ATXN1: variants seen among roughly 807,000 people sequenced by gnomAD.
ATXN1 encodes the protein ataxin 1, also known as ataxin-1.
Under a neutral mutation model 56.4 loss-of-function variants are expected in ATXN1, and 8 were observed. The ratio of observed to expected loss-of-function variants is 0.14; its 90% CI spans 0.08 to 0.26. The LOEUF is 0.26. Among genes scored for constraint, ATXN1 ranks in the 10% least tolerant of loss-of-function variants. The pLI is 1.00. For synonymous variants in ATXN1, 514 were observed against 494.6 expected (o/e 1.04, Z -0.52); for missense variants, 987 against 1,106.5 (o/e 0.89, Z 1.53).
intron 6 of ATXN1, among the ~76,000 whole-genome samples, chr6:16,483,060 T>C (rs983641916): frequency 2.0e-5 from 3 of 152,140 alleles, no homozygotes; most frequent in African/African-American, 7.2e-5. Context: ...AACAACAGCA[T>C]TGTGCATAAA....
At chr6:16,396,655 G>C (rs956737737) in intron 6 of ATXN1, among the ~76,000 whole-genome samples, 1 of 152,122 alleles carries the variant, frequency 6.6e-6, no homozygotes, top group Non-Finnish European at 1.5e-5. Flanking sequence ...GTCTACAGTG[G>C]GGTACAGTGA....
chr6:16,380,491 T>TA lies in ATXN1; in HGVS notation c.-160-52022dup, dbSNP rs1486306647. 4.0e-4 allele frequency among the ~76,000 whole-genome samples: 61 copies of TA among 151,746 alleles called. 1 individual carries two copies. The highest frequency in any genetic ancestry group is 1.4e-3 in the African/African-American group (59 of 41,336). On this transcript the variant is annotated intron_variant, in intron 6 of 7. Transcript: ENST00000436367. ...CATCCATGTGACTTTTTTTTTTTTTTAAAAGCCTTCTCTGCCTGAAAATGC... is the reference window on the plus strand; with the variant it reads ...CATCCATGTGACTTTTTTTTTTTTTTAAAAAGCCTTCTCTGCCTGAAAATGC...
At chr6:16,339,981 C>T (rs1294864490) in intron 6 of ATXN1, among the ~76,000 whole-genome samples, 2 of 152,178 alleles carry the variant, frequency 1.3e-5, no homozygotes, top group Non-Finnish European at 2.9e-5. Context: ...CAGGGTTTCA[C>T]CATGTTGGCC....
intron 4 of ATXN1, among the ~76,000 whole-genome samples, chr6:16,553,774 C>G (rs997526517): frequency 6.6e-6 from 1 of 152,156 alleles, no homozygotes; most frequent in African/African-American, 2.4e-5. Context: ...ACTGACCATC[C>G]CTACTAGGAA....
chr6:16,535,771 CTT>C (rs1761585797), intron 4 of ATXN1, among the ~76,000 whole-genome samples: 1 of 152,110 alleles, frequency 6.6e-6, no homozygotes, highest in Non-Finnish European at 1.5e-5. Context: ...CAAAGAGTAA[CTT>C]TAAAGTTGAC....
At chr6:16,604,353 G>C (rs911715478) in intron 3 of ATXN1, among the ~76,000 whole-genome samples, 1 of 149,286 alleles carries the variant, frequency 6.7e-6, no homozygotes, top group Non-Finnish European at 1.5e-5. Flanking sequence ...AAAAATTATC[G>C]TGGCACGTGG....
chr6:16,490,342 C>T (rs576016347), intron 5 of ATXN1, among the ~76,000 whole-genome samples: 1 of 152,186 alleles, frequency 6.6e-6, no homozygotes, highest in African/African-American at 2.4e-5. Flanking sequence ...TCCAAGCATA[C>T]TCAGTCACTG....
chr6:16,308,319 C>T (rs1760304106), intron 7 of ATXN1, among the ~76,000 whole-genome samples: 1 of 129,718 alleles, frequency 7.7e-6, no homozygotes, highest in South Asian at 2.6e-4. Context: ...GAGTGAAACT[C>T]CGTCACACAC....
At chr6:16,722,290 A>G (rs1451384274) in intron 2 of ATXN1, among the ~76,000 whole-genome samples, 2 of 152,236 alleles carry the variant, frequency 1.3e-5, no homozygotes, top group Admixed American at 1.3e-4. Context: ...GAAAGGGCCC[A>G]AAGTTCAGCA....
At chr6:16,617,955 G>A (rs1763250089) in intron 3 of ATXN1, among the ~76,000 whole-genome samples, 1 of 150,782 alleles carries the variant, frequency 6.6e-6, no homozygotes, top group African/African-American at 2.4e-5. Flanking sequence ...CAAAATAAAC[G>A]ATAAATATAA....
At chr6:16,371,299 A>G (rs2113490803) in intron 6 of ATXN1, among the ~76,000 whole-genome samples, 1 of 151,738 alleles carries the variant, frequency 6.6e-6, no homozygotes, top group South Asian at 2.1e-4. Flanking sequence ...TGAGATAAAA[A>G]TTATGTAGTT....
In ATXN1 at chr6:16,745,940, G is replaced by A. The variant is rs1031900240; in HGVS notation, c.-615+7293C>T. 1.6e-3 allele frequency among the ~76,000 whole-genome samples: 140 copies of A among 86,134 alleles called. No homozygotes were observed. In the East Asian group the frequency reaches 0.024, roughly 15 times the overall value. The allele number at this position is 86,134 out of a possible 152,430, so 56.5% of individuals were successfully genotyped here. A position where few individuals can be genotyped will look rare whatever the true frequency, so the allele number is the denominator to read the frequency against. ...CTTAAATGCTATGCCTTCCGTGTGT[G>A]TGTGTGTGTGTGTGTGTGTGTGTGT... On this transcript the variant is annotated intron_variant, in intron 2 of 7. Transcript: ENST00000436367.
At chr6:16,332,566 C>T (rs1761017644) in intron 6 of ATXN1, among the ~76,000 whole-genome samples, 1 of 152,176 alleles carries the variant, frequency 6.6e-6, no homozygotes, top group South Asian at 2.1e-4. Context: ...AGATTTCTTC[C>T]AAACATGGGG....
chr6:16,326,480 C>T lies in ATXN1; in HGVS notation c.1831G>A (p.Asp611Asn), dbSNP rs1760808193. 1.2e-6 allele frequency: 2 copies of T among 1,614,126 alleles called. No homozygotes were observed. The highest frequency in any genetic ancestry group is 1.7e-6 in the Non-Finnish European group (2 of 1,180,034). ...TCAATCCTCTCTACGGTGCTGGAGTCGATCTTCAGGTCGTTGCTTATCTCT... is the reference window on the plus strand; with the variant it reads ...TCAATCCTCTCTACGGTGCTGGAGTTGATCTTCAGGTCGTTGCTTATCTCT... ...SAEISNDLKI[D>N]SSTVERIEDS... The change falls in exon 7 of 8, where the codon GAC (aspartate) becomes AAC (asparagine). Residue 611 changes from aspartate (D) to asparagine (N), a missense_variant. Asp to Asn is a conservative substitution (Grantham distance 23). Transcript: ENST00000436367. This position sits in a 1 kb window ranked among gnomAD's most constrained non-coding sequence, Gnocchi z 6.6.
chr6:16,323,717 T>C (rs1760738032), intron 7 of ATXN1, among the ~76,000 whole-genome samples: 1 of 151,966 alleles, frequency 6.6e-6, no homozygotes, highest in Non-Finnish European at 1.5e-5. Context: ...TTCACAAAAA[T>C]GTGTTAAGGA....
At chr6:16,607,492 T>C (rs1186534961) in intron 3 of ATXN1, among the ~76,000 whole-genome samples, 1 of 152,080 alleles carries the variant, frequency 6.6e-6, no homozygotes, top group East Asian at 1.9e-4. Flanking sequence ...CATGTCCCAA[T>C]GTGTCAGTGT....
At chr6:16,683,912 T>C (rs561563685) in intron 2 of ATXN1, among the ~76,000 whole-genome samples, 1 of 152,342 alleles carries the variant, frequency 6.6e-6, no homozygotes, top group Non-Finnish European at 1.5e-5. Context: ...CAAGGAGCTG[T>C]CAGTGCCTCC....
chr6:16,745,836 C>A (rs764573024), intron 2 of ATXN1, among the ~76,000 whole-genome samples: 10 of 152,122 alleles, frequency 6.6e-5, no homozygotes, highest in Non-Finnish European at 1.3e-4. Flanking sequence ...CTAAAACTGG[C>A]TGCTCTGAGA....
intron 2 of ATXN1, among the ~76,000 whole-genome samples, chr6:16,692,407 T>C (rs902708059): frequency 6.6e-6 from 1 of 152,244 alleles, no homozygotes; most frequent in Non-Finnish European, 1.5e-5. Context: ...GGTTCTCAGA[T>C]GACTTGCTAT....
Sources: allele counts gnomAD v4.1 joint callset (sites outside exome capture counted in the v4.1 genomes callset), GRCh38; gene constraint gnomAD v4.1.1; non-coding constraint Gnocchi (gnomAD v3.1); transcripts MANE v1.5; gene names NCBI Gene and HGNC (gene_info 2026-07-23, HGNC 2026-07-21).